The following ZNF423 variants were observed in gnomAD, a reference collection of about 807,000 sequenced individuals.
ZNF423 encodes the protein Ebf-associated zinc finger protein.
Under a neutral mutation model 95.8 loss-of-function variants are expected in ZNF423, and 12 were observed. The ratio of observed to expected loss-of-function variants is 0.13; its 90% confidence interval spans 0.08 to 0.20. The LOEUF is 0.20. Among genes scored for constraint, ZNF423 ranks in the 10% least tolerant of loss-of-function variants. ZNF423 has a pLI of 1.00. For synonymous variants in ZNF423, 749 were observed against 711.9 expected (o/e 1.05, Z -0.83); for missense variants, 1,316 against 1,737.1 (o/e 0.76, Z 4.31).
chr16:49,799,105 A>G (rs1200754465), intron 1 of ZNF423, among the ~76,000 whole-genome samples: 1 of 152,106 alleles, frequency 6.6e-6, no homozygotes, highest in Non-Finnish European at 1.5e-5. Flanking sequence ...CTGTCCCCCA[A>G]GTGATCACTT....
intron 3 of ZNF423, among the ~76,000 whole-genome samples, chr16:49,679,068 G>A (rs886756653): frequency 2.0e-5 from 3 of 152,148 alleles, no homozygotes; most frequent in Admixed American, 6.5e-5. Flanking sequence ...TCAGCTTCTC[G>A]AATAGCTCGG....
chr16:49,690,629 C>G (rs957033804), intron 3 of ZNF423, among the ~76,000 whole-genome samples: 1 of 152,208 alleles, frequency 6.6e-6, no homozygotes, highest in Non-Finnish European at 1.5e-5. Flanking sequence ...AATCCCCTTG[C>G]AGAGAAAGTA....
At chr16:49,793,762 C>A (rs113703554) in intron 1 of ZNF423, among the ~76,000 whole-genome samples, 3 of 151,916 alleles carry the variant, frequency 2.0e-5, no homozygotes, top group African/African-American at 7.3e-5. Flanking sequence ...TGACACAGAG[C>A]GGAGGCATGA....
chr16:49,700,935 G>T (rs2032159780), intron 3 of ZNF423, among the ~76,000 whole-genome samples: 1 of 152,066 alleles, frequency 6.6e-6, no homozygotes, highest in South Asian at 2.1e-4. Flanking sequence ...GAGGGAGGAG[G>T]GCAGAGGAGG....
At chr16:49,628,534 T>TATCCATCG (rs371986820) in intron 4 of ZNF423, among the ~76,000 whole-genome samples, 10 of 150,992 alleles carry the variant, frequency 6.6e-5, no homozygotes, top group African/African-American at 2.2e-4. Flanking sequence ...TCCATCCATC[T>TATCCATCG]ATCCATCCAT....
At chr16:49,762,833 T>C (rs1285347925) in intron 2 of ZNF423, among the ~76,000 whole-genome samples, 2 of 152,146 alleles carry the variant, frequency 1.3e-5, no homozygotes, top group Non-Finnish European at 2.9e-5. Context: ...CTTATTCTAA[T>C]AATTGAGGGG....
chr16:49,646,269 A>C (rs564337572), intron 3 of ZNF423, among the ~76,000 whole-genome samples: 6 of 152,328 alleles, frequency 3.9e-5, no homozygotes, highest in Non-Finnish European at 8.8e-5. Context: ...GAGCCTAAGC[A>C]GGTGGCTTTC....
chr16:49,688,988 C>T (rs1001236528), intron 3 of ZNF423, among the ~76,000 whole-genome samples: 8 of 152,282 alleles, frequency 5.3e-5, no homozygotes, highest in African/African-American at 1.4e-4. Flanking sequence ...CCCTGGCTCC[C>T]GAGACAGCAT....
intron 7 of ZNF423, among the ~76,000 whole-genome samples, chr16:49,519,278 C>A (rs1485778329): frequency 6.6e-6 from 1 of 152,162 alleles, no homozygotes; most frequent in Non-Finnish European, 1.5e-5. Context: ...TGTAAATTTT[C>A]CTTTTTTTCT....
intron 1 of ZNF423, among the ~76,000 whole-genome samples, chr16:49,801,141 T>C (rs1348421962): frequency 1.3e-5 from 2 of 152,190 alleles, no homozygotes; most frequent in South Asian, 4.1e-4. Context: ...GAGCCAAGCC[T>C]GGGTACGTTG....
At chr16:49,550,345 G>A (rs555692390) in intron 5 of ZNF423, among the ~76,000 whole-genome samples, 30 of 152,328 alleles carry the variant, frequency 2.0e-4, no homozygotes, top group South Asian at 1.2e-3. Context: ...TCCATTCTGT[G>A]TTCTGCTCCG....
intron 3 of ZNF423, among the ~76,000 whole-genome samples, chr16:49,663,190 G>T: frequency 6.6e-6 from 1 of 152,148 alleles, no homozygotes; most frequent in South Asian, 2.1e-4. Flanking sequence ...TGGTACTCCT[G>T]CCAAAATAGC....
chr16:49,537,558 A>T (rs143336525), intron 5 of ZNF423, among the ~76,000 whole-genome samples: 1 of 152,330 alleles, frequency 6.6e-6, no homozygotes, highest in East Asian at 1.9e-4. Context: ...TGCGACGCTA[A>T]TACCAGTATT....
chr16:49,699,401 A>T (rs547612285), intron 3 of ZNF423, among the ~76,000 whole-genome samples: 2 of 152,324 alleles, frequency 1.3e-5, no homozygotes, highest in South Asian at 2.1e-4. Flanking sequence ...AGATCTAAAA[A>T]ATAAAATAAA....
chr16:49,779,620 G>C, intron 2 of ZNF423, among the ~76,000 whole-genome samples: 1 of 152,084 alleles, frequency 6.6e-6, no homozygotes, highest in Non-Finnish European at 1.5e-5. Flanking sequence ...AATGCATGAG[G>C]AGTTATGCCA....
At chr16:49,561,949 G>A (rs1040177864) in intron 5 of ZNF423, among the ~76,000 whole-genome samples, 40 of 152,160 alleles carry the variant, frequency 2.6e-4, no homozygotes, top group Admixed American at 1.5e-3. Context: ...TCTGCTTTAC[G>A]GGGATAAATT....
At chr16:49,842,410 A>C (rs8050460) in intron 1 of ZNF423, among the ~76,000 whole-genome samples, 1,954 of 76,498 alleles carry the variant, frequency 0.026, 13 homozygotes, top group Non-Finnish European at 0.043. Flanking sequence ...GGAAGGAAGG[A>C]AGGCAGGCAG....
At chr16:49,731,245 C>T (rs540296691) in intron 2 of ZNF423, 46 of 880,780 alleles carry the variant, frequency 5.2e-5, no homozygotes, top group Non-Finnish European at 5.6e-5. Context: ...CGTGACCCAT[C>T]GGAGAGGTGA....
intron 1 of ZNF423, among the ~76,000 whole-genome samples, chr16:49,830,146 G>T (rs1010920861): frequency 6.6e-6 from 1 of 152,184 alleles, no homozygotes; most frequent in African/African-American, 2.4e-5. Flanking sequence ...GAAGGGTCAG[G>T]GAAGGCCGCG....
Sources: allele counts gnomAD v4.1 joint callset (sites outside exome capture counted in the v4.1 genomes callset), GRCh38; gene constraint gnomAD v4.1.1; transcripts MANE v1.5; gene names NCBI Gene and HGNC (gene_info 2026-07-23, HGNC 2026-07-21).